Variants in FUCA1 observed in about 807,000 individuals in gnomAD.
FUCA1 encodes the protein tissue alpha-L-fucosidase.
Under a neutral mutation model 56.8 loss-of-function variants are expected in FUCA1, and 52 were observed. That is an observed-to-expected ratio of 0.92 (90% confidence interval 0.73 to 1.15). FUCA1 has a LOEUF of 1.15. Among genes scored for constraint, FUCA1 ranks in the 50% most tolerant of loss-of-function variants. The pLI, the probability that FUCA1 is intolerant of heterozygous loss-of-function variation, is 0.00. For missense variants in FUCA1, 568 were observed against 592.6 expected (o/e 0.96, Z 0.43); for synonymous variants, 230 against 226.6 (o/e 1.02, Z -0.14).
intron 2 of FUCA1, among the ~76,000 whole-genome samples, chr1:23,864,125 C>T (rs1213925123): frequency 3.0e-5 from 4 of 134,154 alleles, no homozygotes; most frequent in African/African-American, 1.1e-4. Context: ...CTCGCTCTGT[C>T]GCCCAGGCTG....
chr1:23,862,546 G>A (rs1297200908), intron 3 of FUCA1, among the ~76,000 whole-genome samples: 1 of 152,172 alleles, frequency 6.6e-6, no homozygotes, highest in African/African-American at 2.4e-5. Context: ...TCCTCTATGA[G>A]TCCCCAGGCT....
chr1:23,865,390 G>A, intron 2 of FUCA1, 101 bp downstream of exon 2: 2 of 1,491,364 alleles, frequency 1.3e-6, no homozygotes, highest in Non-Finnish European at 1.9e-6. Context: ...CAGGCTACTT[G>A]CTATATGCAA....
At chr1:23,849,899 G>C (rs1444256939) in intron 5 of FUCA1, among the ~76,000 whole-genome samples, 6 of 151,982 alleles carry the variant, frequency 3.9e-5, no homozygotes, top group African/African-American at 1.4e-4. Context: ...CATTCTTTAA[G>C]ACTTCTGGAG....
rs1557516636 is a variant in FUCA1 at position 23,867,649 on chromosome 1, C to T, written c.389+249G>A. On this transcript the variant is annotated intron_variant, in intron 1 of 7. Transcript: ENST00000374479. This position sits in a 1 kb window ranked among gnomAD's most constrained non-coding sequence, Gnocchi z 4.9. ...GGCCTAACTCAGCCCTCTCGGTGCACAGGTGCAGATACCCAGGGCTTCCCA... is the reference window on the plus strand; with the variant it reads ...GGCCTAACTCAGCCCTCTCGGTGCATAGGTGCAGATACCCAGGGCTTCCCA... 1.1e-6 allele frequency: 1 copy of T among 890,624 alleles called. No homozygotes were observed. The highest frequency in any genetic ancestry group is 1.2e-4 in the East Asian group (1 of 8,394). The allele number at this position is 890,624 out of a possible 1,614,324, so 55.2% of individuals were successfully genotyped here.
intron 5 of FUCA1, among the ~76,000 whole-genome samples, chr1:23,851,430 A>AT (rs1639257009): frequency 1.3e-5 from 2 of 151,836 alleles, no homozygotes; most frequent in Admixed American, 6.6e-5. Context: ...ACATACATAC[A>AT]AATAATCCTG....
intron 5 of FUCA1, among the ~76,000 whole-genome samples, chr1:23,851,999 C>T (rs192791547): frequency 6.6e-6 from 1 of 151,520 alleles, no homozygotes; most frequent in East Asian, 1.9e-4. Context: ...ACACTCTGCA[C>T]TTGTATCCCA....
Position 23,849,575 on chromosome 1 carries a change from CTTTTTT to C in FUCA1, c.970-742_970-737del, listed in dbSNP as rs991049814. Among the ~76,000 whole-genome samples, 5 of 80,262 alleles carry C rather than the reference CTTTTTT, an allele frequency of 6.2e-5. 1 individual carries two copies. The highest frequency in any genetic ancestry group is 9.2e-4 in the South Asian group (2 of 2,174). 52.7% of individuals were successfully genotyped at this position (80,262 alleles called of 152,430 possible). A position where few individuals can be genotyped will look rare whatever the true frequency, so the allele number is the denominator to read the frequency against. On this transcript the variant is annotated intron_variant, in intron 5 of 7. Transcript: ENST00000374479. ...GAAAACTGCTATAAAGAGATACGTT[CTTTTTT>C]TTTTTTTTTTTTTTTTTTTGAGACG...
chr1:23,868,159 C>A lies in FUCA1; in HGVS notation c.128G>T (p.Ser43Ile), dbSNP rs1639664790. 6.2e-7 allele frequency: 1 copy of A among 1,609,224 alleles called. No homozygotes were observed. Among genetic ancestry groups the A allele is most frequent in the East Asian group, 2.2e-5 (1 of 44,760 alleles). Residue 43 changes from serine (S) to isoleucine (I), a missense_variant, in exon 1 of 8, where the codon AGC becomes ATC. Transcript: ENST00000374479. The part of the protein sequence containing the change: ...PPRRYTPDWP[S>I]LDSRPLPAWF... The stretch of plus-strand genomic sequence containing the variant: ...GGCCGGCAGCGGCCGAGAATCCAGG[C>A]TCGGCCAGTCTGGGGTGTAGCGGCG...
chr1:23,859,929 G>C (rs778069433), intron 3 of FUCA1, 26 bp from the exon 4 acceptor site: 6 of 1,436,554 alleles, frequency 4.2e-6, no homozygotes, highest in Non-Finnish European at 5.9e-6. Flanking sequence ...TCAGGACAGA[G>C]CTTATTATCT....
At chr1:23,849,123 C>T (rs1280701773) in intron 5 of FUCA1, among the ~76,000 whole-genome samples, 1 of 152,098 alleles carries the variant, frequency 6.6e-6, no homozygotes, top group Non-Finnish European at 1.5e-5. Flanking sequence ...GCTGGAATTA[C>T]AGGCATGCGC....
intron 3 of FUCA1, among the ~76,000 whole-genome samples, chr1:23,860,170 A>T (rs1251695641): frequency 1.3e-5 from 2 of 152,194 alleles, no homozygotes; most frequent in African/African-American, 4.8e-5. Context: ...CAAATATTTT[A>T]AAATTAATTT....
chr1:23,851,383 C>CACAT (rs35768557), intron 5 of FUCA1, among the ~76,000 whole-genome samples: 8 of 146,974 alleles, frequency 5.4e-5, no homozygotes, highest in African/African-American at 2.0e-4. Context: ...AATAAATATA[C>CACAT]ACATACATAC....
At chr1:23,849,802 T>C (rs1258536619) in intron 5 of FUCA1, among the ~76,000 whole-genome samples, 1 of 151,380 alleles carries the variant, frequency 6.6e-6, no homozygotes, top group Non-Finnish European at 1.5e-5. Flanking sequence ...AGGCTGGTCT[T>C]GAACTCCTGA....
chr1:23,859,661 AGT>A (rs1639466357), intron 4 of FUCA1, 135 bp downstream of exon 4: 4 of 665,728 alleles, frequency 6.0e-6, no homozygotes, highest in Non-Finnish European at 2.8e-6. Flanking sequence ...ACATCCATTA[AGT>A]GTCCCAGTCC....
Position 23,868,124 on chromosome 1 carries a change from C to T in FUCA1, c.163G>A (p.Glu55Lys), listed in dbSNP as rs1338987822. 6.2e-7 allele frequency: 1 copy of T among 1,611,666 alleles called. No individual in the cohort carries two copies. Among genetic ancestry groups the T allele is most frequent in the East Asian group, 2.2e-5 (1 of 44,854 alleles). Residue 55 changes from glutamate to lysine, a missense_variant, in exon 1 of 8, where the codon GAA becomes AAA. By Grantham distance (56) the Glu-to-Lys change is moderately conservative. Coordinates refer to ENST00000374479, the MANE Select transcript of FUCA1 (RefSeq NM_000147.5). ...DSRPLPAWFD[E>K]AKFGVFIHWG... ...TGGATGAACACCCCGAACTTGGCTT[C>T]GTCGAACCAGGCCGGCAGCGGCCGA...
At chr1:23,859,217 T>C (rs1212855191) in intron 4 of FUCA1, among the ~76,000 whole-genome samples, 4 of 152,202 alleles carry the variant, frequency 2.6e-5, no homozygotes, top group African/African-American at 9.7e-5. Context: ...TAATTACTAT[T>C]TTTAGTCTAC....
chr1:23,856,679 G>T (rs1051463146), intron 4 of FUCA1, among the ~76,000 whole-genome samples: 4 of 152,150 alleles, frequency 2.6e-5, no homozygotes, highest in African/African-American at 9.7e-5. Context: ...GAAGGTCCTG[G>T]TTGCTTAGGA....
chr1:23,860,566 GGAGT>G (rs1419489620), intron 3 of FUCA1, among the ~76,000 whole-genome samples: 11 of 146,682 alleles, frequency 7.5e-5, no homozygotes, highest in Non-Finnish European at 1.3e-4. Flanking sequence ...CCTGGGCGAC[GGAGT>G]GAAACTCCGT....
intron 4 of FUCA1, among the ~76,000 whole-genome samples, chr1:23,857,743 C>A (rs1639423513): frequency 6.6e-6 from 1 of 151,814 alleles, no homozygotes; most frequent in African/African-American, 2.4e-5. Context: ...TCTTGGCTCA[C>A]TGCAAGCTCC....
Sources: allele counts gnomAD v4.1 joint callset (sites outside exome capture counted in the v4.1 genomes callset), GRCh38; gene constraint gnomAD v4.1.1; non-coding constraint Gnocchi (gnomAD v3.1); transcripts MANE v1.5; gene names NCBI Gene and HGNC (gene_info 2026-07-23, HGNC 2026-07-21).